The following LCA5L variants were observed in gnomAD, a reference collection of about 807,000 sequenced individuals.
LCA5L encodes lebercilin-like protein.
Under a neutral mutation model 45.4 loss-of-function variants are expected in LCA5L, and 35 were observed. The ratio of observed to expected loss-of-function variants is 0.77; its 90% confidence interval spans 0.59 to 1.02. LCA5L has a LOEUF of 1.02. Among genes scored for constraint, LCA5L ranks in the 50% least tolerant of loss-of-function variants. LCA5L has a pLI of 0.00. For missense variants in LCA5L, 668 were observed against 761.6 expected (o/e 0.88, Z 1.45); for synonymous variants, 233 against 264.7 (o/e 0.88, Z 1.16).
At position 39,423,184 on chromosome 21, in the gene LCA5L, A is replaced by C. The variant is rs1369657824; in HGVS notation, c.629T>G (p.Leu210Ter). ...CTGGGATTTCCTAAGTAGTTGCCTT[A>C]AATTTTTTACTTCATTCTGATGTTT... is the stretch of plus-strand genomic sequence containing the variant. Reference protein sequence around the residue: ...MAKHQNEVKNLRQLLRKSQEK... With the variant: ...MAKHQNEVKN The change falls in exon 6 of 11, where the codon TTA becomes TGA. Residue 210 changes from leucine to a stop codon, truncating the protein, a stop_gained. Transcript: ENST00000288350. LOFTEE classifies it high-confidence loss of function. The C allele has an allele frequency of 2.5e-6, 4 of 1,613,214 alleles. No homozygotes were observed. Among genetic ancestry groups the C allele is most frequent in the Non-Finnish European group, 2.5e-6 (3 of 1,179,716 alleles).
At chr21:39,417,381 T>A (rs948268679) in intron 7 of LCA5L, among the ~76,000 whole-genome samples, 1 of 152,212 alleles carries the variant, frequency 6.6e-6, no homozygotes, top group African/African-American at 2.4e-5. Context: ...TTTGTACTTA[T>A]GGAAATATTT....
chr21:39,408,405 C>G (rs1488515840), intron 10 of LCA5L, among the ~76,000 whole-genome samples: 2 of 152,104 alleles, frequency 1.3e-5, no homozygotes, highest in African/African-American at 4.8e-5. Flanking sequence ...AGAGAAGATC[C>G]AGTAGAGAAG....
At chr21:39,416,158 T>C (rs979561664) in intron 7 of LCA5L, among the ~76,000 whole-genome samples, 13 of 152,208 alleles carry the variant, frequency 8.5e-5, no homozygotes, top group African/African-American at 2.9e-4. Flanking sequence ...TGAGGAGTCG[T>C]TCATACAGGG....
chr21:39,428,660 T>TG (rs1447483511), intron 4 of LCA5L, 157 bp from the exon 5 acceptor site: 2 of 139,724 alleles, frequency 1.4e-5, no homozygotes, highest in Non-Finnish European at 3.0e-5. Flanking sequence ...TTGCCTAGGT[T>TG]GGAGTGCAGT....
In LCA5L at chr21:39,417,909, G is replaced by A. The variant is rs567199739; in HGVS notation, c.975+2797C>T. 3.9e-5 allele frequency among the ~76,000 whole-genome samples: 6 copies of A among 152,164 alleles called. No homozygotes were observed. In the East Asian group the frequency reaches 9.7e-4, roughly 24 times the overall value. On this transcript the variant is annotated intron_variant, in intron 7 of 10. Coordinates refer to ENST00000288350, the MANE Select transcript of LCA5L (RefSeq NM_152505.4). Reference sequence around the variant, plus strand: ...GCCTCCCAAGTAGCTGGGACTACAGGTGCCCGCCACCATGCCTGGTTAATT... The same window carrying A: ...GCCTCCCAAGTAGCTGGGACTACAGATGCCCGCCACCATGCCTGGTTAATT...
chr21:39,429,655 C>T (rs557470013), intron 3 of LCA5L, among the ~76,000 whole-genome samples: 2 of 152,282 alleles, frequency 1.3e-5, no homozygotes, highest in East Asian at 3.9e-4. Context: ...ATTTCTCTTT[C>T]CAGACACATT....
At position 39,422,976 on chromosome 21, in the gene LCA5L, C is replaced by T. The variant is rs1446203533; in HGVS notation, c.837G>A (p.Gln279=). The T allele has an allele frequency of 3.7e-6, 6 of 1,612,794 alleles. No homozygotes were observed. In the African/African-American group the frequency reaches 6.7e-5, roughly 18 times the overall value. ...TKMDANDKKI[Q]SLEKQLRLNC... ...CTGTCTGGGCCCCTGAAATACAGACCTGTATTTTTTTGTCATTTGCGTCCA... is the reference window on the plus strand; with the variant it reads ...CTGTCTGGGCCCCTGAAATACAGACTTGTATTTTTTTGTCATTTGCGTCCA... The change falls in exon 6 of 11, where the codon CAG becomes CAA. Residue 279 remains glutamine, a splice_region_variant and synonymous_variant. Transcript: ENST00000288350.
At chr21:39,431,664 C>G (rs185690411) in intron 3 of LCA5L, among the ~76,000 whole-genome samples, 24 of 152,124 alleles carry the variant, frequency 1.6e-4, no homozygotes, top group Admixed American at 7.2e-4. Context: ...ACTACAGGTA[C>G]GTGCCACCAA....
rs766768622 is a variant in LCA5L, at chr21:39,423,177, T to C, written c.636A>G (p.Gln212=). The part of the protein sequence containing the change: ...KHQNEVKNLR[Q]LLRKSQEKER... The stretch of plus-strand genomic sequence containing the variant: ...CCTTTTCCTGGGATTTCCTAAGTAG[T>C]TGCCTTAAATTTTTTACTTCATTCT... Residue 212 remains glutamine, a synonymous_variant, in exon 6 of 11, where the codon CAA becomes CAG. Coordinates refer to ENST00000288350, the MANE Select transcript of LCA5L (RefSeq NM_152505.4). The C allele has an allele frequency of 6.2e-7, 1 of 1,613,294 alleles. No individual in the cohort carries two copies. The highest frequency in any genetic ancestry group is 1.1e-5 in the South Asian group (1 of 90,776).
intron 3 of LCA5L, among the ~76,000 whole-genome samples, chr21:39,429,835 T>C (rs2075463999): frequency 6.6e-6 from 1 of 152,038 alleles, no homozygotes; most frequent in Non-Finnish European, 1.5e-5. Flanking sequence ...CTGGGCAACA[T>C]GGCGAAACCG....
intron 7 of LCA5L, among the ~76,000 whole-genome samples, chr21:39,419,524 AAAAAAAAAAAAG>A (rs2041908167): frequency 7.3e-5 from 1 of 13,610 alleles, no homozygotes. Flanking sequence ...GACCCTGTTC[AAAAAAAAAAAAG>A]AAAAAAGAAA....
chr21:39,416,457 G>A (rs2041172613), intron 7 of LCA5L, among the ~76,000 whole-genome samples: 1 of 152,118 alleles, frequency 6.6e-6, no homozygotes, highest in Non-Finnish European at 1.5e-5. Context: ...ATACGTTCCA[G>A]GTTCATCTAG....
chr21:39,431,573 A>G (rs1389159847), intron 3 of LCA5L, among the ~76,000 whole-genome samples: 1 of 152,066 alleles, frequency 6.6e-6, no homozygotes, highest in Non-Finnish European at 1.5e-5. Context: ...GCTGGAGTGC[A>G]GTGGCATGAT....
chr21:39,428,553 C>T (rs2075166726), intron 4 of LCA5L, 50 bp from the exon 5 acceptor site: 1 of 584,470 alleles, frequency 1.7e-6, no homozygotes, highest in Non-Finnish European at 2.5e-6. Flanking sequence ...AATTTATTGA[C>T]ATTAAAATGA....
In LCA5L at chr21:39,406,323, G is replaced by A; in HGVS notation, c.1572C>T (p.Tyr524=). The A allele has an allele frequency of 6.2e-7, 1 of 1,614,210 alleles. No homozygotes were observed. Among genetic ancestry groups the A allele is most frequent in the Non-Finnish European group, 8.5e-7 (1 of 1,180,024 alleles). Residue 524 remains tyrosine (Y), a synonymous_variant, in exon 11 of 11, where the codon TAC becomes TAT. Coordinates refer to ENST00000288350, the MANE Select transcript of LCA5L (RefSeq NM_152505.4). The part of the protein sequence containing the change: ...TKGPLRQRRH[Y]SFTEATENLH... ...GGTTTTCAGTTGCTTCTGTGAATGA[G>A]TAATGTCTTCTTTGTCTGAGGGGGC...
At chr21:39,414,808 A>G (rs530759244) in intron 7 of LCA5L, among the ~76,000 whole-genome samples, 56 of 138,450 alleles carry the variant, frequency 4.0e-4, no homozygotes, top group African/African-American at 1.3e-3. Flanking sequence ...GTGATTGTCT[A>G]TGTTTGGTTT....
chr21:39,442,680 G>A (rs918891177), intron 2 of LCA5L, among the ~76,000 whole-genome samples: 6 of 152,070 alleles, frequency 3.9e-5, no homozygotes, highest in Non-Finnish European at 7.4e-5. Flanking sequence ...TAGGTACAAC[G>A]GAAGAGGTTC....
At chr21:39,422,785 G>C in intron 6 of LCA5L, 191 bp downstream of exon 6, 1 of 596,878 alleles carries the variant, frequency 1.7e-6, no homozygotes, top group East Asian at 2.8e-5. Context: ...TCTAGTTTGA[G>C]CTGCTTCTGT....
At position 39,406,060 on chromosome 21, in the gene LCA5L, T is replaced by C. The variant is rs1305759111; in HGVS notation, c.1835A>G (p.Asp612Gly). 6.2e-7 allele frequency: 1 copy of C among 1,614,162 alleles called. No homozygotes were observed. Among genetic ancestry groups the C allele is most frequent in the Non-Finnish European group, 8.5e-7 (1 of 1,180,012 alleles). Residue 612 changes from aspartate to glycine, a missense_variant, in exon 11 of 11, where the codon GAC becomes GGC. Coordinates refer to ENST00000288350, the MANE Select transcript of LCA5L (RefSeq NM_152505.4). The stretch of plus-strand genomic sequence containing the variant: ...TTTTGCAACACCAGGACTTGATTGG[T>C]CAGTTTTCAAGACATAGCCTGATCC... ...LFGSGYVLKT[D>G]QSSPGVAKGS...
Sources: gnomAD v4.1 joint callset for allele counts (sites outside exome capture counted in the v4.1 genomes callset) on GRCh38, gnomAD v4.1.1 for gene constraint, MANE v1.5 for transcripts, NCBI Gene and HGNC (gene_info 2026-07-23, HGNC 2026-07-21) for gene names.